KCNMA1: variants seen among roughly 807,000 people sequenced by gnomAD.
KCNMA1 encodes the protein Calcium-activated potassium channel subunit alpha-1.
In KCNMA1, 29 loss-of-function variants were observed where a neutral mutation model predicts 140.0. The ratio of observed to expected loss-of-function variants is 0.21; its 90% CI spans 0.15 to 0.28. The LOEUF (loss-of-function observed/expected upper bound fraction) is 0.28, where lower values mean the gene tolerates loss of function less well. Ranked by LOEUF, KCNMA1 falls within the 10% of genes least tolerant of loss-of-function variation. The pLI, the probability that KCNMA1 is intolerant of heterozygous loss-of-function variation, is 1.00. For missense variants in KCNMA1, 880 were observed against 1,602.2 expected, an observed-to-expected ratio of 0.55 and a Z score of 7.70; for synonymous variants, 612 against 611.9, an observed-to-expected ratio of 1.00 and a Z score of 0.00.
intron 17 of KCNMA1, among the ~76,000 whole-genome samples, chr10:77,013,614 T>C (rs1199193658): frequency 4.6e-5 from 7 of 152,146 alleles, no homozygotes; most frequent in Admixed American, 3.3e-4. Context: ...TCTTAACACA[T>C]AATGATAATA....
At chr10:77,444,865 A>G (rs2097491995) in intron 1 of KCNMA1, among the ~76,000 whole-genome samples, 1 of 152,176 alleles carries the variant, frequency 6.6e-6, no homozygotes, top group Non-Finnish European at 1.5e-5. Flanking sequence ...GGGTCCTTGA[A>G]AAGCCTTGTT....
chr10:77,621,749 G>A (rs946251643), intron 1 of KCNMA1, among the ~76,000 whole-genome samples: 2 of 152,128 alleles, frequency 1.3e-5, no homozygotes, highest in Non-Finnish European at 2.9e-5. Flanking sequence ...GCAACATGGC[G>A]AAACTCCATC....
chr10:77,573,374 C>T (rs995724760), intron 1 of KCNMA1, among the ~76,000 whole-genome samples: 2 of 152,144 alleles, frequency 1.3e-5, no homozygotes, highest in Non-Finnish European at 2.9e-5. Flanking sequence ...CAGGAAGACT[C>T]TTAACAAAGC....
At chr10:77,322,316 G>A (rs2082585653) in intron 2 of KCNMA1, among the ~76,000 whole-genome samples, 1 of 152,208 alleles carries the variant, frequency 6.6e-6, no homozygotes, top group Non-Finnish European at 1.5e-5. Context: ...TTATCTCATA[G>A]TGATGTTAAG....
intron 23 of KCNMA1, among the ~76,000 whole-genome samples, chr10:76,941,023 A>AGGAAGGAAGGAAGGAAGGAAGGAAGGG (rs2061912983): frequency 1.8e-5 from 1 of 56,714 alleles, no homozygotes. Context: ...GGAAGGAAGA[A>AGGAAGGAAGGAAGGAAGGAAGGAAGGG]AGAAAGAAAG....
At chr10:77,261,909 C>T (rs969746480) in intron 2 of KCNMA1, among the ~76,000 whole-genome samples, 4 of 152,106 alleles carry the variant, frequency 2.6e-5, no homozygotes, top group Non-Finnish European at 4.4e-5. Context: ...GACTTAAGTG[C>T]ATGTGGGTTT....
intron 6 of KCNMA1, among the ~76,000 whole-genome samples, chr10:77,115,535 C>T (rs2097437644): frequency 6.6e-6 from 1 of 152,182 alleles, no homozygotes. Context: ...TACCAAGTGG[C>T]TTCACTTACA....
chr10:77,609,554 G>C (rs1368785935), intron 1 of KCNMA1, among the ~76,000 whole-genome samples: 1 of 152,104 alleles, frequency 6.6e-6, no homozygotes. Context: ...ACAATGTATT[G>C]TATTCTTGAA....
intron 5 of KCNMA1, among the ~76,000 whole-genome samples, chr10:77,169,228 T>G: frequency 6.6e-6 from 1 of 152,024 alleles, no homozygotes; most frequent in East Asian, 1.9e-4. Context: ...ATGGAACATA[T>G]CTGAGATTGG....
Position 77,241,134 on chromosome 10 carries a change from T to A in KCNMA1, c.602+10061A>T, listed in dbSNP as rs1021386366. Reference sequence around the variant, plus strand: ...AACAATTAGACCACATTGAAGGGGTTTAGTATAAGGCATCTGTCTCTGAGC... The same window carrying A: ...AACAATTAGACCACATTGAAGGGGTATAGTATAAGGCATCTGTCTCTGAGC... On this transcript the variant is annotated intron_variant, in intron 3 of 27. Transcript: ENST00000286628. 3.9e-5 allele frequency among the ~76,000 whole-genome samples: 6 copies of A among 152,136 alleles called. No homozygotes were observed. The East Asian group carries it at 5.8e-4, about 15-fold the overall frequency.
In KCNMA1 at chr10:77,039,883, C is replaced by CTTTTTTTTTTTTTTTTTT. The variant is rs34943268; in HGVS notation, c.1750-264_1750-247dup. ...TCTTTCCTTTTTCTTTTTTCTTTTT[C>CTTTTTTTTTTTTTTTTTT]TTTTTTTTTTTTTTTTTTTTTTTGA... On this transcript the variant is annotated intron_variant, in intron 14 of 27. Transcript: ENST00000286628. Among the ~76,000 whole-genome samples the CTTTTTTTTTTTTTTTTTT allele has an allele frequency of 1.1e-4, 9 of 78,954 alleles. 1 individual carries two copies. Among genetic ancestry groups the CTTTTTTTTTTTTTTTTTT allele is most frequent in the East Asian group, 4.3e-4 (1 of 2,330 alleles). The allele number at this position is 78,954 out of a possible 152,430, so 51.8% of individuals were successfully genotyped here. A position where few individuals can be genotyped will look rare whatever the true frequency, so the allele number is the denominator to read the frequency against.
At chr10:76,959,088 C>T (rs2069747845) in intron 20 of KCNMA1, among the ~76,000 whole-genome samples, 1 of 152,182 alleles carries the variant, frequency 6.6e-6, no homozygotes, top group South Asian at 2.1e-4. Flanking sequence ...TTCCCCTCTC[C>T]AACCACCTTC....
At chr10:77,366,096 T>C (rs2094333020) in intron 2 of KCNMA1, among the ~76,000 whole-genome samples, 1 of 136,606 alleles carries the variant, frequency 7.3e-6, no homozygotes, top group Non-Finnish European at 1.6e-5. Flanking sequence ...TCTCAGGTAC[T>C]ATGCATGTTC....
chr10:77,615,906 T>C (rs1384292850), intron 1 of KCNMA1, among the ~76,000 whole-genome samples: 1 of 152,178 alleles, frequency 6.6e-6, no homozygotes, highest in Non-Finnish European at 1.5e-5. Flanking sequence ...GCCAACTTCA[T>C]CATAACAGGG....
rs137884377 is a variant in KCNMA1 at position 77,261,498 on chromosome 10, A to G, written c.541-10242T>C. ...GCAGGAGTGTTGTCCTACATCCTGGATTTTGTTGATGATGTTCATCTCATT... is the reference window on the plus strand; with the variant it reads ...GCAGGAGTGTTGTCCTACATCCTGGGTTTTGTTGATGATGTTCATCTCATT... On this transcript the variant is annotated intron_variant, in intron 2 of 27. Coordinates refer to ENST00000286628, the MANE Select transcript of KCNMA1 (RefSeq NM_001161352.2). 7.8e-4 allele frequency among the ~76,000 whole-genome samples: 119 copies of G among 152,186 alleles called. 1 individual carries two copies. The highest frequency in any genetic ancestry group is 3.4e-3 in the Middle Eastern group (1 of 294).
At chr10:77,041,740 C>G (rs2094709876) in intron 14 of KCNMA1, among the ~76,000 whole-genome samples, 1 of 152,174 alleles carries the variant, frequency 6.6e-6, no homozygotes, top group South Asian at 2.1e-4. Flanking sequence ...CTCAGGCTTC[C>G]CTTCCAGTGG....
intron 14 of KCNMA1, among the ~76,000 whole-genome samples, chr10:77,065,373 A>G (rs71475630): frequency 0.023 from 3,464 of 152,308 alleles, 62 homozygotes; most frequent in South Asian, 0.052. Flanking sequence ...TCATCCCCCA[A>G]TGAAGCTGAG....
At chr10:76,960,211 C>A (rs1200602551) in intron 20 of KCNMA1, among the ~76,000 whole-genome samples, 1 of 152,164 alleles carries the variant, frequency 6.6e-6, no homozygotes, top group African/African-American at 2.4e-5. Flanking sequence ...CCAGTGTCCA[C>A]AGCTAGAAAT....
chr10:77,384,522 G>A (rs536162960), intron 2 of KCNMA1, among the ~76,000 whole-genome samples: 7 of 152,298 alleles, frequency 4.6e-5, no homozygotes, highest in South Asian at 4.1e-4. Context: ...GAATGATGAC[G>A]TACCTTTACC....
Sources: allele counts gnomAD v4.1 joint callset (sites outside exome capture counted in the v4.1 genomes callset), GRCh38; gene constraint gnomAD v4.1.1; transcripts MANE v1.5; gene names NCBI Gene and HGNC (gene_info 2026-07-23, HGNC 2026-07-21).